The following BTBD8 variants were observed in gnomAD, a reference collection of about 807,000 sequenced individuals.
BTBD8 encodes the protein BTB domain containing 8.
BTBD8 carries 110 observed loss-of-function variants against 162.9 expected under a neutral mutation model. The ratio of observed to expected loss-of-function variants is 0.68; its 90% CI spans 0.58 to 0.79. BTBD8 has a LOEUF of 0.79. Ranked by LOEUF, BTBD8 falls within the 30% of genes least tolerant of loss-of-function variation. The pLI, the probability that BTBD8 is intolerant of heterozygous loss-of-function variation, is 0.00. For missense variants in BTBD8, 1,905 were observed against 2,085.4 expected (o/e 0.91, Z 1.68); for synonymous variants, 667 against 716.1 (o/e 0.93, Z 1.10).
chr1:92,177,939 C>T, intron 15 of BTBD8, 41 bp downstream of exon 15: 1 of 1,004,370 alleles, frequency 1.0e-6, no homozygotes, highest in African/African-American at 1.6e-5. Flanking sequence ...TGTTAGCTTT[C>T]TCTCAAAGTT....
intron 2 of BTBD8, among the ~76,000 whole-genome samples, chr1:92,095,224 A>G (rs1456332672): frequency 6.6e-6 from 1 of 152,184 alleles, no homozygotes; most frequent in Non-Finnish European, 1.5e-5. Context: ...ATAGCCAAGT[A>G]CCAGACAAGT....
At chr1:92,081,333 CCTT>C (rs1557433255) in intron 1 of BTBD8, among the ~76,000 whole-genome samples, 7 of 152,260 alleles carry the variant, frequency 4.6e-5, no homozygotes, top group South Asian at 2.1e-4. Flanking sequence ...TCATGGATAT[CCTT>C]CTCGGGTTAT....
Position 92,176,812 on chromosome 1 carries a change from T to G in BTBD8, c.1636-17T>G. 1 of 1,201,066 alleles carries G rather than the reference T, an allele frequency of 8.3e-7. No individual in the cohort carries two copies. Among genetic ancestry groups the G allele is most frequent in the Non-Finnish European group, 1.1e-6 (1 of 895,840 alleles). The allele number at this position is 1,201,066 out of a possible 1,614,324, so 74.4% of individuals were successfully genotyped here. ...GATTTCAGTCAAATTACAAAGTATT[T>G]TTTTTCTTTTTTATAGCAAAGGAAA... On this transcript the variant is annotated splice_polypyrimidine_tract_variant and intron_variant, in intron 13 of 17. Coordinates refer to ENST00000636805, the MANE Select transcript of BTBD8 (RefSeq NM_001376131.1).
At chr1:92,126,753 A>G (rs969790422) in intron 4 of BTBD8, among the ~76,000 whole-genome samples, 6 of 152,238 alleles carry the variant, frequency 3.9e-5, no homozygotes, top group Non-Finnish European at 8.8e-5. Flanking sequence ...GGGTGAAGGC[A>G]GATCCCAGCA....
intron 9 of BTBD8, among the ~76,000 whole-genome samples, chr1:92,161,021 T>C (rs906834637): frequency 4.6e-5 from 7 of 152,184 alleles, no homozygotes; most frequent in African/African-American, 7.2e-5. Flanking sequence ...TGGGATCTTA[T>C]GGTTTTCTTC....
chr1:92,111,298 A>T (rs886598081), intron 4 of BTBD8, among the ~76,000 whole-genome samples: 2 of 152,018 alleles, frequency 1.3e-5, no homozygotes, highest in Non-Finnish European at 2.9e-5. Flanking sequence ...TGGCCCCATC[A>T]TTTCTAACTT....
intron 5 of BTBD8, among the ~76,000 whole-genome samples, chr1:92,138,797 T>G (rs1649697324): frequency 1.3e-5 from 2 of 152,178 alleles, no homozygotes; most frequent in Non-Finnish European, 2.9e-5. Context: ...GGTCATGAAT[T>G]TAGAGTTTGA....
chr1:92,177,221 A>G lies in BTBD8; in HGVS notation c.2028A>G (p.Leu676=), dbSNP rs1650743222. The change falls in exon 14 of 18, where the codon CTA becomes CTG. Residue 676 remains leucine (L), a synonymous_variant. Coordinates refer to ENST00000636805, the MANE Select transcript of BTBD8 (RefSeq NM_001376131.1). ...AAAATGQKNL[L]NGKGVRNQEG... ...CAGCAACTGGACAGAAGAATTTACTAAATGGAAAAGGAGTGAGAAATCAGG... is the reference window on the plus strand; with the variant it reads ...CAGCAACTGGACAGAAGAATTTACTGAATGGAAAAGGAGTGAGAAATCAGG... 6 of 1,551,934 alleles carry G rather than the reference A, an allele frequency of 3.9e-6. No homozygotes were observed. The highest frequency in any genetic ancestry group is 2.0e-5 in the Admixed American group (1 of 50,974).
chr1:92,104,737 C>G (rs748953931), intron 3 of BTBD8, among the ~76,000 whole-genome samples: 2 of 152,150 alleles, frequency 1.3e-5, no homozygotes, highest in Non-Finnish European at 2.9e-5. Flanking sequence ...TGCAGCCTTT[C>G]ATACTGTTAA....
intron 7 of BTBD8, among the ~76,000 whole-genome samples, chr1:92,143,805 C>T (rs1649836817): frequency 6.6e-6 from 1 of 151,738 alleles, no homozygotes; most frequent in African/African-American, 2.4e-5. Context: ...AGCCACTGTG[C>T]CTAGCCACTT....
chr1:92,090,619 C>T (rs532047610), intron 2 of BTBD8, among the ~76,000 whole-genome samples: 1 of 152,256 alleles, frequency 6.6e-6, no homozygotes. Context: ...TCATTTATGA[C>T]ACAAAAGTTT....
At chr1:92,120,393 T>C (rs923493119) in intron 4 of BTBD8, among the ~76,000 whole-genome samples, 1 of 152,178 alleles carries the variant, frequency 6.6e-6, no homozygotes, top group Non-Finnish European at 1.5e-5. Flanking sequence ...ACATGCCTTC[T>C]TCTGGAATAC....
At chr1:92,096,542 C>A (rs1461766595) in intron 2 of BTBD8, among the ~76,000 whole-genome samples, 1 of 151,178 alleles carries the variant, frequency 6.6e-6, no homozygotes, top group Non-Finnish European at 1.5e-5. Flanking sequence ...ATGCAATCAC[C>A]TATATTTCCT....
At chr1:92,162,405 C>G (rs1160396938) in intron 9 of BTBD8, among the ~76,000 whole-genome samples, 1 of 152,222 alleles carries the variant, frequency 6.6e-6, no homozygotes, top group Non-Finnish European at 1.5e-5. Context: ...TTTCATTGTT[C>G]TGTCTGTTGG....
At chr1:92,094,267 C>T (rs1291418713) in intron 2 of BTBD8, among the ~76,000 whole-genome samples, 3 of 152,194 alleles carry the variant, frequency 2.0e-5, no homozygotes, top group African/African-American at 4.8e-5. Context: ...ATGTGCACAT[C>T]TCCATTGGTG....
chr1:92,181,680 C>A lies in BTBD8; in HGVS notation c.3997C>A (p.Gln1333Lys). The change falls in exon 17 of 18, where the codon CAA becomes AAA. Residue 1333 changes from glutamine (Q) to lysine (K), a missense_variant. By Grantham distance (53) the Gln-to-Lys change is moderately conservative (BLOSUM62 1). Around this residue, in one of 3 missense-constraint regions of BTBD8, gnomAD observed 517 missense variants for 606.6 expected, o/e 0.85. Transcript: ENST00000636805. ...MKKQSNNDLF[Q>K]VNSTSDDEIP... is the part of the protein sequence containing the mutation. ...AAAGCAAAGTAATAATGATCTTTTC[C>A]AAGTTAATTCAACGAGTGATGATGA... 1 of 1,551,276 alleles carries A rather than the reference C, an allele frequency of 6.4e-7. No homozygotes were observed. Among genetic ancestry groups the A allele is most frequent in the Middle Eastern group, 1.7e-4 (1 of 5,992 alleles).
chr1:92,083,641 A>G (rs1648082810), intron 1 of BTBD8, among the ~76,000 whole-genome samples: 1 of 152,160 alleles, frequency 6.6e-6, no homozygotes, highest in African/African-American at 2.4e-5. Flanking sequence ...CTCCAGTGAA[A>G]TGTTTGTGAT....
At chr1:92,163,608 A>G (rs1027922885) in intron 9 of BTBD8, among the ~76,000 whole-genome samples, 3 of 151,242 alleles carry the variant, frequency 2.0e-5, no homozygotes, top group Admixed American at 1.3e-4. Context: ...AGCAAGGTTT[A>G]TTGTTTATTG....
intron 9 of BTBD8, among the ~76,000 whole-genome samples, chr1:92,159,994 C>T (rs1159971514): frequency 6.6e-6 from 1 of 152,068 alleles, no homozygotes; most frequent in African/African-American, 2.4e-5. Flanking sequence ...GACACTTTTT[C>T]TCCTTTCTCC....
Sources: gnomAD v4.1 joint callset for allele counts (sites outside exome capture counted in the v4.1 genomes callset) on GRCh38, gnomAD v4.1.1 for gene constraint, gnomAD v4.1.1 regional missense constraint, MANE v1.5 for transcripts, NCBI Gene and HGNC (gene_info 2026-07-23, HGNC 2026-07-21) for gene names.